SMAD3: variants seen among roughly 807,000 people sequenced by gnomAD.
SMAD3 encodes the protein MAD homolog 3.
SMAD3 carries 12 observed loss-of-function variants against 51.8 expected under a neutral mutation model. The ratio of observed to expected loss-of-function variants is 0.23; its 90% CI spans 0.15 to 0.38. The LOEUF (loss-of-function observed/expected upper bound fraction) is 0.38. SMAD3 is among the 10% of genes least tolerant of loss of function. The pLI is 1.00. For missense variants in SMAD3, 294 were observed against 565.6 expected, an observed-to-expected ratio of 0.52 and a Z score of 4.87; for synonymous variants, 238 against 227.7, an observed-to-expected ratio of 1.05 and a Z score of -0.41.
intron 1 of SMAD3, among the ~76,000 whole-genome samples, chr15:67,081,855 G>C (rs1480400388): frequency 2.0e-5 from 3 of 152,032 alleles, no homozygotes; most frequent in Non-Finnish European, 4.4e-5. Context: ...GAAGCCTCTC[G>C]AGGTCAAGGG....
intron 1 of SMAD3, among the ~76,000 whole-genome samples, chr15:67,156,894 C>T (rs2140283614): frequency 6.6e-6 from 1 of 152,364 alleles, no homozygotes; most frequent in Non-Finnish European, 1.5e-5. Flanking sequence ...TCTGTCCCTT[C>T]TGCTCACATT....
At position 67,194,045 on chromosome 15, in the gene SMAD3, A is replaced by G. The variant is rs11556090; in HGVS notation, c.*3509A>G. The G allele has an allele frequency of 0.48, 111,123 of 232,978 alleles. 27,734 individuals are homozygous for G. Among genetic ancestry groups the G allele is most frequent in the Non-Finnish European group, 0.53 (62,574 of 117,910 alleles). The allele number at this position is 232,978 out of a possible 1,614,324, so 14.4% of individuals were successfully genotyped here. A position where few individuals can be genotyped will look rare whatever the true frequency, so the allele number is the denominator to read the frequency against. On this transcript the variant is annotated 3_prime_UTR_variant, in exon 9 of 9. Transcript: ENST00000327367. ...GGAGAAGAATCTGCAGGCTGCTTGT[A>G]GGACTGTTCACCAAGGGGGATACCA...
At chr15:67,111,913 G>T (rs1961022426) in intron 1 of SMAD3, among the ~76,000 whole-genome samples, 1 of 150,996 alleles carries the variant, frequency 6.6e-6, no homozygotes, top group Non-Finnish European at 1.5e-5. Flanking sequence ...TCAGCCTCCT[G>T]AGTCACTGGG....
At chr15:67,150,039 A>T (rs1160067053) in intron 1 of SMAD3, among the ~76,000 whole-genome samples, 2 of 152,160 alleles carry the variant, frequency 1.3e-5, no homozygotes, top group African/African-American at 4.8e-5. Flanking sequence ...GGCTTCTTTT[A>T]AAAAGAAGAG....
At chr15:67,136,342 T>C (rs79060757) in intron 1 of SMAD3, among the ~76,000 whole-genome samples, 1 of 151,904 alleles carries the variant, frequency 6.6e-6, no homozygotes, top group Non-Finnish European at 1.5e-5. Context: ...TTTTTTTTTT[T>C]TTCTTTTCGA....
chr15:67,165,183 G>C, intron 2 of SMAD3, 70 bp from the exon 3 acceptor site: 3 of 1,613,440 alleles, frequency 1.9e-6, no homozygotes, highest in Non-Finnish European at 2.5e-6. Flanking sequence ...GGTGCACTTG[G>C]GGGTGCGGGG....
intron 1 of SMAD3, among the ~76,000 whole-genome samples, chr15:67,161,707 G>T (rs1962435493): frequency 6.6e-6 from 1 of 152,174 alleles, no homozygotes; most frequent in Admixed American, 6.5e-5. Flanking sequence ...TGGGTTTGGG[G>T]AGTATCTGCT....
chr15:67,148,397 C>G (rs935985532), intron 1 of SMAD3, among the ~76,000 whole-genome samples: 2 of 152,218 alleles, frequency 1.3e-5, no homozygotes, highest in African/African-American at 4.8e-5. Context: ...TTAAATCCAA[C>G]ACTTGATAAA....
chr15:67,113,566 T>C (rs983651321), intron 1 of SMAD3, among the ~76,000 whole-genome samples: 14 of 152,124 alleles, frequency 9.2e-5, no homozygotes, highest in Admixed American at 4.6e-4. Flanking sequence ...ACAACTAATA[T>C]GTTGTAAGGT....
At chr15:67,185,581 C>T (rs1479935406) in intron 7 of SMAD3, among the ~76,000 whole-genome samples, 3 of 152,106 alleles carry the variant, frequency 2.0e-5, no homozygotes, top group African/African-American at 7.2e-5. Flanking sequence ...GGAAGGACAC[C>T]AGAGAGTTTG....
intron 1 of SMAD3, among the ~76,000 whole-genome samples, chr15:67,149,448 A>C (rs115975379): frequency 0.01 from 1,569 of 152,198 alleles, 19 homozygotes; most frequent in African/African-American, 0.035. Context: ...TCCTGATTGT[A>C]GCTGTTTTAG....
chr15:67,172,979 G>A (rs890700956), intron 5 of SMAD3, among the ~76,000 whole-genome samples: 15 of 152,160 alleles, frequency 9.9e-5, no homozygotes, highest in African/African-American at 3.6e-4. Context: ...TTGTCTGCCT[G>A]CCGTTCAGGT....
chr15:67,164,275 A>G (rs1047036191), intron 1 of SMAD3, among the ~76,000 whole-genome samples: 6 of 142,070 alleles, frequency 4.2e-5, no homozygotes, highest in African/African-American at 1.6e-4. Context: ...AGATGGCGCC[A>G]CTACACTCCA....
intron 1 of SMAD3, among the ~76,000 whole-genome samples, chr15:67,108,384 T>C (rs758820034): frequency 3.9e-5 from 6 of 152,162 alleles, no homozygotes; most frequent in Admixed American, 6.5e-5. Flanking sequence ...CTCCCCACCC[T>C]GTGCCAAGCC....
intron 1 of SMAD3, 124 bp downstream of exon 1, chr15:67,066,484 T>A: frequency 1.3e-6 from 1 of 789,198 alleles, no homozygotes; most frequent in Non-Finnish European, 2.1e-6. Context: ...ACTGTGTGGG[T>A]GCGTGTGTGT....
At chr15:67,136,508 T>A (rs1961666698) in intron 1 of SMAD3, among the ~76,000 whole-genome samples, 1 of 152,140 alleles carries the variant, frequency 6.6e-6, no homozygotes, top group African/African-American at 2.4e-5. Context: ...TTTTGTATTT[T>A]TTAGTAGAGA....
chr15:67,107,618 G>C (rs1444334798), intron 1 of SMAD3, among the ~76,000 whole-genome samples: 4 of 152,310 alleles, frequency 2.6e-5, no homozygotes, highest in African/African-American at 9.6e-5. Flanking sequence ...CACTTGGTTT[G>C]CCCAGCCTAA....
chr15:67,139,514 C>T (rs1389324534), intron 1 of SMAD3, among the ~76,000 whole-genome samples: 2 of 152,144 alleles, frequency 1.3e-5, no homozygotes, highest in South Asian at 2.1e-4. Context: ...TCCTTAATGA[C>T]TGTGGCTGGA....
At chr15:67,071,519 T>A (rs1033586502) in intron 1 of SMAD3, among the ~76,000 whole-genome samples, 1 of 152,086 alleles carries the variant, frequency 6.6e-6, no homozygotes, top group Non-Finnish European at 1.5e-5. Context: ...TAATAAAAAG[T>A]GGACAACTTG....
Sources: gnomAD v4.1 joint callset for allele counts (sites outside exome capture counted in the v4.1 genomes callset) on GRCh38, gnomAD v4.1.1 for gene constraint, MANE v1.5 for transcripts, NCBI Gene and HGNC (gene_info 2026-07-23, HGNC 2026-07-21) for gene names.